Variants in DLGAP1 observed in about 807,000 individuals in gnomAD.
DLGAP1 encodes the protein disks large-associated protein 1.
DLGAP1 carries 11 observed loss-of-function variants against 90.8 expected under a neutral mutation model. That is an observed-to-expected ratio of 0.12 (90% confidence interval 0.08 to 0.20). DLGAP1 has a LOEUF of 0.20. Ranked by LOEUF, DLGAP1 falls within the 10% of genes least tolerant of loss-of-function variation. The probability of loss-of-function intolerance (pLI) is 1.00; values close to 1 mark genes in which losing one functional copy is unlikely to be tolerated. For missense variants in DLGAP1, 1,050 were observed against 1,333.8 expected, an observed-to-expected ratio of 0.79 and a Z score of 3.31; for synonymous variants, 558 against 540.7, an observed-to-expected ratio of 1.03 and a Z score of -0.44.
intron 1 of DLGAP1, among the ~76,000 whole-genome samples, chr18:4,227,594 T>A (rs1423584805): frequency 2.0e-5 from 3 of 151,786 alleles, no homozygotes; most frequent in African/African-American, 7.3e-5. Flanking sequence ...TGCCCCCAAA[T>A]GATTAGTAAG....
intron 9 of DLGAP1, among the ~76,000 whole-genome samples, chr18:3,556,845 G>A (rs2053779042): frequency 6.6e-6 from 1 of 152,174 alleles, no homozygotes; most frequent in Non-Finnish European, 1.5e-5. Flanking sequence ...ATTAGGCAAG[G>A]TAGTTCATGC....
intron 3 of DLGAP1, among the ~76,000 whole-genome samples, chr18:3,975,412 C>T (rs75486992): frequency 5.1e-4 from 78 of 152,248 alleles, no homozygotes; most frequent in African/African-American, 1.7e-3. Flanking sequence ...TACCGCTTCA[C>T]ACCTGTTAGG....
At chr18:4,120,303 G>A (rs990913667) in intron 2 of DLGAP1, among the ~76,000 whole-genome samples, 8 of 152,258 alleles carry the variant, frequency 5.3e-5, no homozygotes, top group East Asian at 1.9e-4. Context: ...ATCAGATGGC[G>A]TCACTGACTG....
At chr18:3,777,977 A>AG in intron 5 of DLGAP1, among the ~76,000 whole-genome samples, 1 of 152,304 alleles carries the variant, frequency 6.6e-6, no homozygotes, top group Non-Finnish European at 1.5e-5. Flanking sequence ...TTCGTAAGTA[A>AG]GCAGACTCTC....
At chr18:3,555,907 C>G (rs915177720) in intron 9 of DLGAP1, among the ~76,000 whole-genome samples, 4 of 152,148 alleles carry the variant, frequency 2.6e-5, no homozygotes, top group African/African-American at 9.7e-5. Flanking sequence ...AAGGAGACGA[C>G]TTTCTCCTCC....
At chr18:3,710,974 C>T (rs994611342) in intron 7 of DLGAP1, among the ~76,000 whole-genome samples, 1 of 152,102 alleles carries the variant, frequency 6.6e-6, no homozygotes, top group Non-Finnish European at 1.5e-5. Context: ...GAAGGTGGCA[C>T]ACAGAGGTCA....
At chr18:4,078,094 G>A (rs1037737912) in intron 2 of DLGAP1, among the ~76,000 whole-genome samples, 2 of 152,128 alleles carry the variant, frequency 1.3e-5, no homozygotes, top group Admixed American at 1.3e-4. Flanking sequence ...GATACTCCAT[G>A]GGTAAAGGGG....
At chr18:3,582,880 C>G in intron 7 of DLGAP1, among the ~76,000 whole-genome samples, 1 of 125,690 alleles carries the variant, frequency 8.0e-6, no homozygotes, top group East Asian at 2.7e-4. Context: ...TCCTTCTTTC[C>G]TTTCTTCCTC....
At chr18:3,639,772 T>TTTTTTTTTTA (rs2058859569) in intron 7 of DLGAP1, among the ~76,000 whole-genome samples, 6 of 146,782 alleles carry the variant, frequency 4.1e-5, no homozygotes, top group Non-Finnish European at 6.0e-5. Context: ...TTTTTTTTTT[T>TTTTTTTTTTA]GAGACAGAGT....
chr18:3,934,842 G>T (rs1039316978), intron 3 of DLGAP1, among the ~76,000 whole-genome samples: 1 of 152,224 alleles, frequency 6.6e-6, no homozygotes, highest in Non-Finnish European at 1.5e-5. Context: ...ACACAAGTCT[G>T]GCTGGAGTGA....
intron 1 of DLGAP1, among the ~76,000 whole-genome samples, chr18:4,330,595 A>G (rs1348811681): frequency 6.6e-6 from 1 of 151,676 alleles, no homozygotes; most frequent in Admixed American, 6.6e-5. Context: ...ATATTTTCTA[A>G]TTTCTTTTGT....
chr18:4,140,276 G>A (rs921121802), intron 2 of DLGAP1, among the ~76,000 whole-genome samples: 13 of 151,212 alleles, frequency 8.6e-5, no homozygotes, highest in African/African-American at 3.2e-4. Flanking sequence ...TTGTGTATTT[G>A]TTGTATGCTT....
At chr18:4,171,831 T>C (rs1363856445) in intron 1 of DLGAP1, among the ~76,000 whole-genome samples, 2 of 152,178 alleles carry the variant, frequency 1.3e-5, no homozygotes, top group African/African-American at 4.8e-5. Flanking sequence ...TTCCCCAGTA[T>C]TAAGCCAACT....
chr18:4,451,612 G>A (rs115172202), intron 1 of DLGAP1, among the ~76,000 whole-genome samples: 321 of 152,254 alleles, frequency 2.1e-3, no homozygotes, highest in African/African-American at 7.4e-3. Context: ...TCATCGGGCA[G>A]TAACAAGAAT....
intron 7 of DLGAP1, among the ~76,000 whole-genome samples, chr18:3,712,791 T>C (rs887370320): frequency 7.9e-5 from 12 of 152,210 alleles, no homozygotes; most frequent in African/African-American, 2.9e-4. Flanking sequence ...GTGCTTAAGT[T>C]ACTACTTTCT....
At chr18:3,830,487 A>G (rs2067974373) in intron 4 of DLGAP1, among the ~76,000 whole-genome samples, 1 of 152,032 alleles carries the variant, frequency 6.6e-6, no homozygotes, top group Non-Finnish European at 1.5e-5. Context: ...AATACCTTGA[A>G]CCCGGGAGGC....
At chr18:4,449,593 C>T (rs897029923) in intron 1 of DLGAP1, among the ~76,000 whole-genome samples, 4 of 152,126 alleles carry the variant, frequency 2.6e-5, no homozygotes, top group East Asian at 1.9e-4. Context: ...TTATTAAGTG[C>T]CAGGTGCTGT....
intron 3 of DLGAP1, among the ~76,000 whole-genome samples, chr18:3,958,383 C>T (rs948367011): frequency 1.0e-4 from 15 of 146,340 alleles, no homozygotes; most frequent in Middle Eastern, 3.3e-3. Flanking sequence ...GTAGAAGAAG[C>T]AGGACTTTGG....
intron 3 of DLGAP1, among the ~76,000 whole-genome samples, chr18:3,960,849 G>C (rs2073184085): frequency 6.6e-6 from 1 of 152,208 alleles, no homozygotes; most frequent in Non-Finnish European, 1.5e-5. Flanking sequence ...CAGGTGGCCT[G>C]GGCCTTGGAG....
Sources: gnomAD v4.1 joint callset for allele counts (sites outside exome capture counted in the v4.1 genomes callset) on GRCh38, gnomAD v4.1.1 for gene constraint, MANE v1.5 for transcripts, NCBI Gene and HGNC (gene_info 2026-07-23, HGNC 2026-07-21) for gene names.